CRACDL: variants seen among roughly 807,000 people sequenced by gnomAD.
CRACDL encodes the protein CRACD-like protein.
A neutral mutation model predicts 70.6 loss-of-function variants in CRACDL; 26 were observed. That is an observed-to-expected ratio of 0.37 (90% CI 0.27 to 0.51). The LOEUF is 0.51. CRACDL is among the 20% of genes least tolerant of loss of function. CRACDL has a pLI of 0.94. For missense variants in CRACDL, 1,283 were observed against 1,376.9 expected, an observed-to-expected ratio of 0.93 and a Z score of 1.08; for synonymous variants, 618 against 615.2, an observed-to-expected ratio of 1.00 and a Z score of -0.07.
At chr2:98,909,569 A>G (rs1405172585) in intron 1 of CRACDL, among the ~76,000 whole-genome samples, 1 of 152,178 alleles carries the variant, frequency 6.6e-6, no homozygotes, top group East Asian at 1.9e-4. Flanking sequence ...AGGCTGCAGG[A>G]CGCGAGCAAA....
At chr2:98,824,035 C>A (rs943652948) in intron 6 of CRACDL, among the ~76,000 whole-genome samples, 6 of 152,196 alleles carry the variant, frequency 3.9e-5, no homozygotes, top group African/African-American at 1.4e-4. Flanking sequence ...TCCTCCCAGC[C>A]AGTCTCCCAT....
chr2:98,905,896 C>T (rs1035777890), intron 1 of CRACDL, among the ~76,000 whole-genome samples: 1 of 152,068 alleles, frequency 6.6e-6, no homozygotes, highest in South Asian at 2.1e-4. Context: ...GGATTACAGG[C>T]GTGAGTCACC....
intron 7 of CRACDL, among the ~76,000 whole-genome samples, chr2:98,801,630 A>G (rs1006367762): frequency 2.0e-4 from 30 of 152,176 alleles, no homozygotes; most frequent in African/African-American, 6.0e-4. Flanking sequence ...TCCACTGTCT[A>G]TATCTCTCAG....
At chr2:98,863,247 T>C (rs1218260289) in intron 1 of CRACDL, among the ~76,000 whole-genome samples, 1 of 152,182 alleles carries the variant, frequency 6.6e-6, no homozygotes, top group African/African-American at 2.4e-5. Flanking sequence ...TAGGCTGATA[T>C]GTTCAAAGTG....
chr2:98,843,238 C>T (rs562204275), intron 2 of CRACDL, among the ~76,000 whole-genome samples: 1 of 152,180 alleles, frequency 6.6e-6, no homozygotes, highest in East Asian at 1.9e-4. Context: ...CATTTTGTAA[C>T]TGAGTTATTT....
At chr2:98,844,001 T>A (rs1038744216) in intron 2 of CRACDL, among the ~76,000 whole-genome samples, 1 of 152,182 alleles carries the variant, frequency 6.6e-6, no homozygotes. Flanking sequence ...TTCACCTCTA[T>A]GGACTTGGCT....
chr2:98,861,524 C>T (rs894061178), intron 1 of CRACDL, among the ~76,000 whole-genome samples: 2 of 152,102 alleles, frequency 1.3e-5, no homozygotes, highest in Non-Finnish European at 2.9e-5. Flanking sequence ...TTGGCAGTGC[C>T]TCAAAATGTG....
intron 1 of CRACDL, among the ~76,000 whole-genome samples, chr2:98,914,434 C>T (rs1371902767): frequency 6.6e-6 from 1 of 152,228 alleles, no homozygotes; most frequent in Non-Finnish European, 1.5e-5. Flanking sequence ...TAGCTTCCAG[C>T]AGAGCCTGCA....
rs111676890 is a variant in CRACDL at position 98,866,704 on chromosome 2, G to A, written c.-10-19894C>T. On this transcript the variant is annotated intron_variant, in intron 1 of 9. Transcript: ENST00000397899. ...AGACAGGGTTTCACCATGTTGGCCA[G>A]GCTGGTCTCGAACTCCTGACCTCAG... 4.8e-3 allele frequency among the ~76,000 whole-genome samples: 725 copies of A among 150,884 alleles called. 6 individuals carry two copies. Among genetic ancestry groups the A allele is most frequent in the Middle Eastern group, 0.01 (3 of 292 alleles).
rs1329884009 is a variant in CRACDL, at chr2:98,821,274, A to G, written c.2416+583T>C. Among the ~76,000 whole-genome samples the G allele has an allele frequency of 2.6e-5, 4 of 152,092 alleles. No homozygotes were observed. In the South Asian group the frequency reaches 6.2e-4, roughly 24 times the overall value. On this transcript the variant is annotated intron_variant, in intron 7 of 9. Transcript: ENST00000397899. ...CCATCATAGTTCACTGCAGCCTTGA[A>G]CTCCTGGGCTCAAGCAATCCTATTT... is the stretch of plus-strand genomic sequence containing the variant.
intron 7 of CRACDL, among the ~76,000 whole-genome samples, chr2:98,816,015 T>C (rs1271773909): frequency 3.3e-5 from 5 of 152,186 alleles, no homozygotes. Context: ...GCCAAGGCTG[T>C]CCAACAAGCT....
chr2:98,886,876 A>G (rs1490103313), intron 1 of CRACDL, among the ~76,000 whole-genome samples: 1 of 152,254 alleles, frequency 6.6e-6, no homozygotes, highest in Non-Finnish European at 1.5e-5. Flanking sequence ...ACAAGAAAAT[A>G]TGGTCCACAT....
At chr2:98,833,288 A>G (rs893383057) in intron 3 of CRACDL, among the ~76,000 whole-genome samples, 1 of 152,250 alleles carries the variant, frequency 6.6e-6, no homozygotes, top group Admixed American at 6.5e-5. Context: ...GGTGCAAGAC[A>G]GCAAGCCTGC....
rs7585755 is a variant in CRACDL, at chr2:98,896,239, G to A, written c.-11+39699C>T. Among the ~76,000 whole-genome samples the A allele has an allele frequency of 2.7e-3, 409 of 152,288 alleles. 4 individuals carry two copies. Among genetic ancestry groups the A allele is most frequent in the African/African-American group, 9.4e-3 (392 of 41,558 alleles). ...AAGCATGCACCCAGGTTTCACATGC[G>A]GGCATGAGAGTGGATGGTGGAGTCC... On this transcript the variant is annotated intron_variant, in intron 1 of 9. Coordinates refer to ENST00000397899, the MANE Select transcript of CRACDL (RefSeq NM_207362.3).
In CRACDL at chr2:98,894,612, C is replaced by T. The variant is rs79229559; in HGVS notation, c.-11+41326G>A. ...ACGCAATGAGAAAACAGGCAAGAAA[C>T]GGTGTGGGGAAAGAAGCTCTGAGAA... On this transcript the variant is annotated intron_variant, in intron 1 of 9. Transcript: ENST00000397899. Among the ~76,000 whole-genome samples, 1,153 of 152,174 alleles carry T rather than the reference C, an allele frequency of 7.6e-3. 8 individuals are homozygous for T. The highest frequency in any genetic ancestry group is 0.018 in the Admixed American group (275 of 15,294).
chr2:98,823,591 T>C lies in CRACDL; in HGVS notation c.736-54A>G. On this transcript the variant is annotated intron_variant, in intron 6 of 9. Transcript: ENST00000397899. The surrounding 1 kb of genome is among the most constrained non-coding windows in gnomAD (Gnocchi z 4.0). ...TCGCTATAGCCAATTCCAGGAAGCC[T>C]GTCACCTCCCCACTTTTTTCAAGGC... 1 of 1,534,928 alleles carries C rather than the reference T, an allele frequency of 6.5e-7. No homozygotes were observed. The highest frequency in any genetic ancestry group is 1.2e-5 in the South Asian group (1 of 84,008).
At chr2:98,909,215 C>A (rs905383470) in intron 1 of CRACDL, among the ~76,000 whole-genome samples, 1 of 152,108 alleles carries the variant, frequency 6.6e-6, no homozygotes, top group Non-Finnish European at 1.5e-5. Context: ...ATTCATGAGC[C>A]CTAGATAGCA....
chr2:98,819,918 C>T (rs929348712), intron 7 of CRACDL, among the ~76,000 whole-genome samples: 6 of 144,334 alleles, frequency 4.2e-5, no homozygotes, highest in Non-Finnish European at 8.9e-5. Context: ...CTCCTGGGTT[C>T]AAGCGATTCT....
intron 1 of CRACDL, among the ~76,000 whole-genome samples, chr2:98,923,448 T>C (rs551535201): frequency 2.0e-5 from 3 of 152,224 alleles, no homozygotes; most frequent in African/African-American, 7.2e-5. Context: ...CACCCCCTAA[T>C]GGAACCTACT....
Sources: gnomAD v4.1 joint callset for allele counts (sites outside exome capture counted in the v4.1 genomes callset) on GRCh38, gnomAD v4.1.1 for gene constraint, Gnocchi (gnomAD v3.1) non-coding constraint, MANE v1.5 for transcripts, NCBI Gene and HGNC (gene_info 2026-07-23, HGNC 2026-07-21) for gene names.